The following PRKACB variants were observed in gnomAD, a reference collection of about 807,000 sequenced individuals.
The protein encoded by PRKACB is protein kinase cAMP-activated catalytic subunit beta.
Under a neutral mutation model 51.4 loss-of-function variants are expected in PRKACB, and 16 were observed. That is an observed-to-expected ratio of 0.31 (90% CI 0.21 to 0.47). PRKACB has a LOEUF of 0.47. Ranked by LOEUF, PRKACB falls within the 20% of genes least tolerant of loss-of-function variation. The probability of loss-of-function intolerance (pLI) is 1.00; values close to 1 mark genes in which losing one functional copy is unlikely to be tolerated. For synonymous variants in PRKACB, 147 were observed against 154.4 expected (o/e 0.95, Z 0.35); for missense variants, 309 against 464.5 (o/e 0.67, Z 3.08).
At chr1:84,126,042 G>T (rs1426230962) in intron 1 of PRKACB, among the ~76,000 whole-genome samples, 1 of 137,752 alleles carries the variant, frequency 7.3e-6, no homozygotes, top group South Asian at 2.7e-4. Context: ...GCATCCGCAG[G>T]AGTAGAATCC....
intron 1 of PRKACB, among the ~76,000 whole-genome samples, chr1:84,110,642 C>G (rs1296988490): frequency 1.3e-5 from 2 of 151,944 alleles, no homozygotes; most frequent in Admixed American, 1.3e-4. Context: ...TTCCCTTACT[C>G]TATAGTAGAG....
chr1:84,136,490 C>CCACACACACACACACACACACA (rs60681226), intron 1 of PRKACB, among the ~76,000 whole-genome samples: 14 of 146,644 alleles, frequency 9.5e-5, no homozygotes, highest in East Asian at 2.0e-4. Context: ...ACGGCCAAAA[C>CCACACACACACACACACACACA]CACACACACA....
At chr1:84,180,554 C>T (rs1013066208) in intron 2 of PRKACB, among the ~76,000 whole-genome samples, 8 of 151,452 alleles carry the variant, frequency 5.3e-5, no homozygotes, top group African/African-American at 1.9e-4. Context: ...CACCTGTACC[C>T]CAATAACTTA....
chr1:84,091,486 T>C (rs938948392), intron 1 of PRKACB, among the ~76,000 whole-genome samples: 1 of 152,090 alleles, frequency 6.6e-6, no homozygotes, highest in African/African-American at 2.4e-5. Flanking sequence ...GATTTAACTT[T>C]CTTGTTTTTT....
chr1:84,181,773 T>C (rs1188323436), intron 2 of PRKACB: 2 of 1,362,818 alleles, frequency 1.5e-6, no homozygotes, highest in South Asian at 2.8e-5. Context: ...TATCTATTCA[T>C]TACAGTTATT....
At chr1:84,222,068 T>A (rs2101630182) in intron 9 of PRKACB, among the ~76,000 whole-genome samples, 1 of 152,264 alleles carries the variant, frequency 6.6e-6, no homozygotes, top group South Asian at 2.1e-4. Flanking sequence ...GTCTCTCTCT[T>A]TAGATCTAAT....
At chr1:84,078,490 G>C (rs1647265528) in intron 1 of PRKACB, 2 of 1,201,950 alleles carry the variant, frequency 1.7e-6, no homozygotes, top group Admixed American at 2.6e-5. Flanking sequence ...CGGCCGCCGG[G>C]AGTCGTTCTG....
intron 5 of PRKACB, among the ~76,000 whole-genome samples, chr1:84,190,217 CA>C (rs1217020911): frequency 6.6e-6 from 1 of 151,784 alleles, no homozygotes; most frequent in Non-Finnish European, 1.5e-5. Flanking sequence ...ATTTATTTAG[CA>C]ATTTGTTTTA....
rs541494757 is a variant in PRKACB at position 84,084,374 on chromosome 1, G to A, written c.46+6003G>A. Among the ~76,000 whole-genome samples the A allele has an allele frequency of 2.6e-5, 4 of 152,166 alleles. No homozygotes were observed. In the East Asian group the frequency reaches 7.7e-4, roughly 29 times the overall value. On this transcript the variant is annotated intron_variant, in intron 1 of 8. Coordinates refer to the PRKACB transcript ENST00000370688. ...GATGAAACTGAAGAAATGGACAGAG[G>A]GCCACATAATGGAGAGAGTTTGAAT...
In PRKACB at chr1:84,225,838, G is replaced by C. The variant is rs1674497469; in HGVS notation, c.1072-9342G>C. Among the ~76,000 whole-genome samples the C allele has an allele frequency of 2.0e-5, 3 of 152,296 alleles. No individual in the cohort carries two copies. In the South Asian group the frequency reaches 6.2e-4, roughly 32 times the overall value. ...CTCTTGTGGCTGCCAGCTGGTCCCA[G>C]CTAGGCCAGCTGCTTCACTTCCTTT... On this transcript the variant is annotated intron_variant, in intron 9 of 9. Coordinates refer to ENST00000370685, the MANE Select transcript of PRKACB (RefSeq NM_182948.4).
rs542650478 is a variant in PRKACB, at chr1:84,092,185, C to T, written c.46+13814C>T. 1.1e-4 allele frequency among the ~76,000 whole-genome samples: 17 copies of T among 152,250 alleles called. No homozygotes were observed. In the South Asian group the frequency reaches 3.3e-3, roughly 30 times the overall value. On this transcript the variant is annotated intron_variant, in intron 1 of 8. Transcript: ENST00000370688. ...GTGAACACCCATGTGAATTTTCACC[C>T]ATACCAAGAAATAGAATATTACTGA...
Position 84,172,305 on chromosome 1 carries a change from A to C in PRKACB, c.188-6872A>C, listed in dbSNP as rs535920271. Among the ~76,000 whole-genome samples, 20 of 151,872 alleles carry C rather than the reference A, an allele frequency of 1.3e-4. No homozygotes were observed. The South Asian group carries it at 3.9e-3, about 30-fold the overall frequency. Reference sequence around the variant, plus strand: ...TTGACATATGATTGTAGTAGATATAATACTGCTACAGGAAAAAGCCTCATT... The same window carrying C: ...TTGACATATGATTGTAGTAGATATACTACTGCTACAGGAAAAAGCCTCATT... On this transcript the variant is annotated intron_variant, in intron 1 of 9. Coordinates refer to ENST00000370685, the MANE Select transcript of PRKACB (RefSeq NM_182948.4).
At position 84,144,273 on chromosome 1, in the gene PRKACB, A is replaced by G. The variant is rs1653731877; in HGVS notation, c.-89A>G. The G allele has an allele frequency of 6.5e-7, 1 of 1,540,172 alleles. No individual in the cohort carries two copies. The highest frequency in any genetic ancestry group is 8.7e-7 in the Non-Finnish European group (1 of 1,151,982). ...ACCCTGCAAACAGGAAGTTTGACAC[A>G]TGCATAGCTCTTAGCTTCTGTGTAA... On this transcript the variant is annotated 5_prime_UTR_variant, in exon 1 of 10. It removes an upstream start codon present in the reference 5' UTR. Transcript: ENST00000370685.
At chr1:84,150,171 G>A (rs909978396) in intron 1 of PRKACB, among the ~76,000 whole-genome samples, 2 of 152,048 alleles carry the variant, frequency 1.3e-5, no homozygotes, top group African/African-American at 4.8e-5. Context: ...CCAGCTACTT[G>A]GGAGGCTGAG....
intron 1 of PRKACB, among the ~76,000 whole-genome samples, chr1:84,162,854 TTTTG>T (rs1656390239): frequency 1.3e-5 from 2 of 152,066 alleles, no homozygotes; most frequent in Non-Finnish European, 2.9e-5. Context: ...TCACACAAGT[TTTTG>T]TCAAAAATGT....
intron 1 of PRKACB, among the ~76,000 whole-genome samples, chr1:84,104,387 A>G (rs2100819693): frequency 6.6e-6 from 1 of 152,172 alleles, no homozygotes; most frequent in South Asian, 2.1e-4. Flanking sequence ...TAATCTGTTG[A>G]TAGATGTTTA....
intron 1 of PRKACB, among the ~76,000 whole-genome samples, chr1:84,176,349 A>G (rs992287247): frequency 6.6e-6 from 1 of 151,848 alleles, no homozygotes. Flanking sequence ...GAGAAGAGAA[A>G]GGCATTTAGA....
upstream of PRKACB, among the ~76,000 whole-genome samples, chr1:84,140,000 C>T (rs527792201): frequency 6.6e-6 from 1 of 151,984 alleles, no homozygotes; most frequent in Non-Finnish European, 1.5e-5. Context: ...GCGGAGGTTG[C>T]AGTGAGTCGA....
intron 1 of PRKACB, among the ~76,000 whole-genome samples, chr1:84,111,617 G>C (rs944045229): frequency 6.6e-6 from 1 of 151,916 alleles, no homozygotes; most frequent in African/African-American, 2.4e-5. Flanking sequence ...TACTGGGTAA[G>C]TATATGTATA....
Sources: allele counts gnomAD v4.1 joint callset (sites outside exome capture counted in the v4.1 genomes callset), GRCh38; gene constraint gnomAD v4.1.1; transcripts MANE v1.5; gene names NCBI Gene and HGNC (gene_info 2026-07-23, HGNC 2026-07-21).